The following METTL8 variants were observed in gnomAD, a reference collection of about 807,000 sequenced individuals.
METTL8 encodes the protein methyltransferase 8, tRNA N3-cytidine.
A neutral mutation model predicts 48.7 loss-of-function variants in METTL8; 32 were observed. The observed-to-expected ratio is 0.66, with a 90% CI of 0.50 to 0.88. The LOEUF (loss-of-function observed/expected upper bound fraction) is 0.88, where lower values mean the gene tolerates loss of function less well. Among genes scored for constraint, METTL8 ranks in the 40% least tolerant of loss-of-function variants. The probability of loss-of-function intolerance (pLI) is 0.00; values close to 1 mark genes in which losing one functional copy is unlikely to be tolerated. For synonymous variants in METTL8, 136 were observed against 157.1 expected (o/e 0.87, Z 1.01); for missense variants, 464 against 474.4 (o/e 0.98, Z 0.20).
At position 171,323,876 on chromosome 2, in the gene METTL8, T is replaced by G. The variant is rs771614087; in HGVS notation, c.*296A>C. ...TCAAGTTACATTTTCTCAAAATTAC[T>G]TGACATAATACTAACTTAATTGAAT... On this transcript the variant is annotated 3_prime_UTR_variant, in exon 10 of 10. Transcript: ENST00000375258. 19 of 241,974 alleles carry G rather than the reference T, an allele frequency of 7.9e-5. No individual in the cohort carries two copies. Among genetic ancestry groups the G allele is most frequent in the Admixed American group, 1.6e-4 (3 of 18,196 alleles). 15.0% of individuals were successfully genotyped at this position (241,974 alleles called of 1,614,324 possible). A position where few individuals can be genotyped will look rare whatever the true frequency, so the allele number is the denominator to read the frequency against.
At chr2:171,398,630 A>G (rs1689349442) in intron 1 of METTL8, among the ~76,000 whole-genome samples, 1 of 152,196 alleles carries the variant, frequency 6.6e-6, no homozygotes, top group Non-Finnish European at 1.5e-5. Context: ...AATGTACAAT[A>G]CGAGGACTAC....
rs1184758474 is a variant in METTL8, at chr2:171,320,584, T to TA, written c.*3587dup. 7 of 152,368 alleles carry TA rather than the reference T, an allele frequency of 4.6e-5. No individual in the cohort carries two copies. The highest frequency in any genetic ancestry group is 1.7e-4 in the African/African-American group (7 of 41,586). 9.4% of individuals were successfully genotyped at this position (152,368 alleles called of 1,614,324 possible). ...ACAAGGAGATCTGCTGGGGTTCCCATAGCAACATTAACTTATCTAAACTGC... is the reference window on the plus strand; with the variant it reads ...ACAAGGAGATCTGCTGGGGTTCCCATAAGCAACATTAACTTATCTAAACTGC... On this transcript the variant is annotated 3_prime_UTR_variant, in exon 10 of 10. Coordinates refer to ENST00000375258, the MANE Select transcript of METTL8 (RefSeq NM_001321154.2).
intron 3 of METTL8, among the ~76,000 whole-genome samples, chr2:171,342,486 A>G (rs1228128496): frequency 6.6e-6 from 1 of 152,130 alleles, no homozygotes; most frequent in African/African-American, 2.4e-5. Flanking sequence ...TCCACTTTTA[A>G]AAATTGGAGT....
chr2:171,412,813 T>C (rs1368213225), intron 1 of METTL8, among the ~76,000 whole-genome samples: 1 of 152,120 alleles, frequency 6.6e-6, no homozygotes, highest in Non-Finnish European at 1.5e-5. Context: ...AACTTTGGTA[T>C]TTTCTCAAAA....
At chr2:171,330,884 T>C (rs1193243707) in intron 6 of METTL8, among the ~76,000 whole-genome samples, 186 bp from the exon 7 acceptor site, 1 of 152,194 alleles carries the variant, frequency 6.6e-6, no homozygotes, top group African/African-American at 2.4e-5. Context: ...AAATTAAGGC[T>C]AGCTCTTGGC....
chr2:171,359,441 G>A (rs1309254129), intron 3 of METTL8, among the ~76,000 whole-genome samples: 2 of 152,076 alleles, frequency 1.3e-5, no homozygotes, highest in Admixed American at 6.6e-5. Flanking sequence ...TGACCACTAT[G>A]GAAAACAGTG....
At chr2:171,379,952 G>C (rs1488536988) in intron 2 of METTL8, among the ~76,000 whole-genome samples, 1 of 152,106 alleles carries the variant, frequency 6.6e-6, no homozygotes, top group African/African-American at 2.4e-5. Flanking sequence ...AACAAAAAAA[G>C]AAAACTTCAG....
intron 1 of METTL8, among the ~76,000 whole-genome samples, chr2:171,411,874 T>A (rs1690789672): frequency 6.6e-6 from 1 of 152,178 alleles, no homozygotes; most frequent in Admixed American, 6.5e-5. Context: ...CTGGTGGAAA[T>A]AACCTGCAAA....
chr2:171,341,669 C>T (rs899745582), intron 3 of METTL8, among the ~76,000 whole-genome samples: 6 of 152,106 alleles, frequency 3.9e-5, no homozygotes, highest in African/African-American at 1.2e-4. Context: ...ACTGTAGACG[C>T]ATGCCATTTT....
chr2:171,361,069 G>A (rs1388656840), intron 2 of METTL8, among the ~76,000 whole-genome samples: 1 of 152,154 alleles, frequency 6.6e-6, no homozygotes. Context: ...ACTTGATACA[G>A]CATGTGAAAA....
chr2:171,402,102 A>C (rs532234560), intron 1 of METTL8, among the ~76,000 whole-genome samples: 23 of 152,280 alleles, frequency 1.5e-4, no homozygotes, highest in African/African-American at 5.5e-4. Context: ...TGGCTCTGAG[A>C]AGCTTTCTGG....
At chr2:171,338,203 A>C (rs993884284) in intron 4 of METTL8, among the ~76,000 whole-genome samples, 6 of 152,242 alleles carry the variant, frequency 3.9e-5, no homozygotes, top group African/African-American at 1.4e-4. Flanking sequence ...TAGATAAGTA[A>C]AATTATAGTA....
intron 3 of METTL8, among the ~76,000 whole-genome samples, chr2:171,345,780 T>C (rs2105435183): frequency 1.3e-5 from 2 of 152,330 alleles, no homozygotes; most frequent in South Asian, 4.1e-4. Context: ...TTTAAAAGAC[T>C]CATTACATTT....
At chr2:171,377,767 T>C (rs537150893) in intron 2 of METTL8, among the ~76,000 whole-genome samples, 2 of 152,352 alleles carry the variant, frequency 1.3e-5, no homozygotes, top group East Asian at 3.9e-4. Context: ...GAAACACTTT[T>C]ACACTGCTGG....
In METTL8 at chr2:171,317,730, T is replaced by TA. The variant is rs1410068019; in HGVS notation, c.*6441dup. The TA allele has an allele frequency of 2.6e-5, 4 of 152,238 alleles. No homozygotes were observed. The highest frequency in any genetic ancestry group is 1.3e-4 in the Admixed American group (2 of 15,284). The allele number at this position is 152,238 out of a possible 1,614,324, so 9.4% of individuals were successfully genotyped here. ...CTGTTGTTTTAAACTCTTGGCCAAG[T>TA]AGCAGTGCCTTGTAGCTTGCCTTTG... On this transcript the variant is annotated 3_prime_UTR_variant, in exon 10 of 10. Transcript: ENST00000375258.
intron 1 of METTL8, among the ~76,000 whole-genome samples, chr2:171,412,117 G>A (rs1454657089): frequency 2.6e-5 from 4 of 152,318 alleles, no homozygotes; most frequent in African/African-American, 9.6e-5. Context: ...AATAATATCT[G>A]TCATAACTGA....
chr2:171,342,297 A>C (rs921029947), intron 3 of METTL8, among the ~76,000 whole-genome samples: 2 of 152,238 alleles, frequency 1.3e-5, no homozygotes, highest in African/African-American at 4.8e-5. Flanking sequence ...TCTGTATTTA[A>C]GGTCTGAGAA....
At chr2:171,430,646 T>C (rs1394078444) in intron 1 of METTL8, among the ~76,000 whole-genome samples, 1 of 152,110 alleles carries the variant, frequency 6.6e-6, no homozygotes, top group Non-Finnish European at 1.5e-5. Flanking sequence ...GGCAGCAGTA[T>C]GGAGGAGGGC....
intron 3 of METTL8, among the ~76,000 whole-genome samples, chr2:171,353,242 G>A (rs1226977760): frequency 1.3e-5 from 2 of 152,210 alleles, no homozygotes; most frequent in Non-Finnish European, 2.9e-5. Context: ...TAGTCACTCA[G>A]GAGCAGCTTG....
Sources: allele counts gnomAD v4.1 joint callset (sites outside exome capture counted in the v4.1 genomes callset), GRCh38; gene constraint gnomAD v4.1.1; transcripts MANE v1.5; gene names NCBI Gene and HGNC (gene_info 2026-07-23, HGNC 2026-07-21).